Variants in TCTN2 observed in about 807,000 individuals in gnomAD.
TCTN2 encodes the protein tectonic-2.
A neutral mutation model predicts 83.4 loss-of-function variants in TCTN2; 66 were observed. That is an observed-to-expected ratio of 0.79 (90% CI 0.65 to 0.97). TCTN2 has a LOEUF of 0.97. Ranked by LOEUF, TCTN2 falls within the 50% of genes least tolerant of loss-of-function variation. TCTN2 has a pLI of 0.00. For synonymous variants in TCTN2, 301 were observed against 326.7 expected (o/e 0.92, Z 0.85); for missense variants, 794 against 858.1 (o/e 0.93, Z 0.93).
chr12:123,686,766 T>A, intron 5 of TCTN2, 70 bp from the exon 6 acceptor site: 1 of 1,469,266 alleles, frequency 6.8e-7, no homozygotes, highest in Non-Finnish European at 9.5e-7. Context: ...AAATAAGAGT[T>A]AGCATTCGCT....
chr12:123,707,151 C>A, intron 17 of TCTN2, 78 bp downstream of exon 17: 1 of 1,197,726 alleles, frequency 8.3e-7, no homozygotes, highest in Non-Finnish European at 1.2e-6. Flanking sequence ...CTAAATGTTA[C>A]AGAAAGCATA....
chr12:123,698,477 AC>A (rs1359106488), intron 13 of TCTN2, among the ~76,000 whole-genome samples: 1 of 150,558 alleles, frequency 6.6e-6, no homozygotes, highest in East Asian at 2.0e-4. Flanking sequence ...TCACTCCATC[AC>A]CCAGACTGGA....
At chr12:123,700,364 C>T (rs141372649) in intron 14 of TCTN2, among the ~76,000 whole-genome samples, 313 of 152,276 alleles carry the variant, frequency 2.1e-3, no homozygotes, top group Middle Eastern at 6.8e-3. Context: ...AGCAGTGGCT[C>T]ACACTTATAA....
At chr12:123,675,999 G>A (rs1424288612) in intron 4 of TCTN2, among the ~76,000 whole-genome samples, 2 of 152,144 alleles carry the variant, frequency 1.3e-5, no homozygotes, top group African/African-American at 4.8e-5. Flanking sequence ...ATATGCTTGA[G>A]GCCAGGTGGT....
At position 123,684,260 on chromosome 12, in the gene TCTN2, G is replaced by GTTGTT. The variant is rs529620650; in HGVS notation, c.565-2564_565-2560dup. Among the ~76,000 whole-genome samples, 42 of 152,046 alleles carry GTTGTT rather than the reference G, an allele frequency of 2.8e-4. No homozygotes were observed. In the East Asian group the frequency reaches 7.5e-3, roughly 27 times the overall value. Reference sequence around the variant, plus strand: ...AAGGTTTCCTTTGGTTTTTTTGGTTGTTGTTTTGTTTTGTTTCCTTTTGTG... The same window carrying GTTGTT: ...AAGGTTTCCTTTGGTTTTTTTGGTTGTTGTTTTGTTTTGTTTTGTTTCCTTTTGTG... On this transcript the variant is annotated intron_variant, in intron 5 of 17. Transcript: ENST00000303372.
chr12:123,697,381 A>G (rs953067265), intron 13 of TCTN2, among the ~76,000 whole-genome samples, 183 bp downstream of exon 13: 17 of 152,230 alleles, frequency 1.1e-4, no homozygotes, highest in African/African-American at 3.6e-4. Flanking sequence ...TATGAGGGAA[A>G]ATAAACTTTT....
Position 123,671,182 on chromosome 12 carries a change from C to A in TCTN2, c.-59C>A. The A allele has an allele frequency of 1.3e-6, 2 of 1,517,456 alleles. No individual in the cohort carries two copies. Among genetic ancestry groups the A allele is most frequent in the Non-Finnish European group, 1.8e-6 (2 of 1,112,420 alleles). 94.0% of individuals were successfully genotyped at this position (1,517,456 alleles called of 1,614,324 possible). A position where few individuals can be genotyped will look rare whatever the true frequency, so the allele number is the denominator to read the frequency against. ...GGCTGCTGCGTTTTCGTGTCTGAGTCCTTCCTGGGTTCTAATGAGGGCGCG... is the reference window on the plus strand; with the variant it reads ...GGCTGCTGCGTTTTCGTGTCTGAGTACTTCCTGGGTTCTAATGAGGGCGCG... On this transcript the variant is annotated 5_prime_UTR_variant, in exon 1 of 18. Coordinates refer to ENST00000303372, the MANE Select transcript of TCTN2 (RefSeq NM_024809.5).
chr12:123,696,594 C>G (rs1956112579), intron 12 of TCTN2, 99 bp downstream of exon 12: 1 of 1,162,972 alleles, frequency 8.6e-7, no homozygotes, highest in African/African-American at 1.5e-5. Flanking sequence ...ATTTTAAAGC[C>G]TAGTTGGTTT....
At chr12:123,687,993 G>T in intron 6 of TCTN2, 58 bp from the exon 7 acceptor site, 1 of 1,605,386 alleles carries the variant, frequency 6.2e-7, no homozygotes, top group South Asian at 1.1e-5. Flanking sequence ...CAACATTAAG[G>T]AAGAATTGTG....
chr12:123,676,301 G>A (rs947984154), intron 4 of TCTN2, among the ~76,000 whole-genome samples: 3 of 151,940 alleles, frequency 2.0e-5, no homozygotes, highest in African/African-American at 2.4e-5. Context: ...GGGCGCGGTG[G>A]CTCACGCCTG....
intron 4 of TCTN2, among the ~76,000 whole-genome samples, chr12:123,677,596 TG>T (rs1485263301): frequency 2.0e-5 from 3 of 152,182 alleles, no homozygotes; most frequent in Non-Finnish European, 4.4e-5. Flanking sequence ...TTCGGAAACC[TG>T]TAATATCCTG....
intron 8 of TCTN2, among the ~76,000 whole-genome samples, chr12:123,691,741 T>TC (rs1221910872): frequency 5.3e-5 from 8 of 151,396 alleles, no homozygotes; most frequent in Admixed American, 1.3e-4. Flanking sequence ...TTTTTTTGGT[T>TC]TTTTTTTTGA....
intron 8 of TCTN2, 68 bp downstream of exon 8, chr12:123,690,742 G>C: frequency 1.3e-6 from 2 of 1,580,008 alleles, no homozygotes; most frequent in African/African-American, 2.7e-5. Context: ...TCTCATGAGA[G>C]TATAAATCAT....
intron 9 of TCTN2, among the ~76,000 whole-genome samples, chr12:123,694,102 T>C (rs529979969): frequency 6.6e-6 from 1 of 152,130 alleles, no homozygotes; most frequent in South Asian, 2.1e-4. Flanking sequence ...CAAACGATTC[T>C]TCTGCCTCAG....
chr12:123,681,394 G>A (rs1041325814), intron 5 of TCTN2, among the ~76,000 whole-genome samples: 7 of 152,194 alleles, frequency 4.6e-5, no homozygotes, highest in Middle Eastern at 3.4e-3. Context: ...CCCTGTAGCC[G>A]TTCCTATCTC....
At position 123,695,297 on chromosome 12, in the gene TCTN2, G is replaced by A; in HGVS notation, c.1312G>A (p.Gly438Ser). ...TGAAGAAGAATTATCTGGAAATCCA[G>A]GTAAGATGAGTATATGCCAGTCATT... ...GNEEELSGNP[G>S]YQLGKPVRAL... is the part of the protein sequence containing the mutation. Residue 438 changes from glycine to serine, a missense_variant and splice_region_variant, in exon 11 of 18, where the codon GGT becomes AGT. Gly to Ser is a moderately conservative substitution (Grantham distance 56, BLOSUM62 0). Transcript: ENST00000303372. 1 of 1,564,218 alleles carries A rather than the reference G, an allele frequency of 6.4e-7. No individual in the cohort carries two copies. Among genetic ancestry groups the A allele is most frequent in the Non-Finnish European group, 8.8e-7 (1 of 1,134,924 alleles).
intron 13 of TCTN2, among the ~76,000 whole-genome samples, chr12:123,698,510 T>A (rs924139451): frequency 2.6e-5 from 4 of 152,096 alleles, no homozygotes; most frequent in Admixed American, 2.6e-4. Flanking sequence ...TGATCACGGC[T>A]CGTTGCAGCC....
At position 123,679,779 on chromosome 12, in the gene TCTN2, G is replaced by T. The variant is rs369681965; in HGVS notation, c.564+490G>T. On this transcript the variant is annotated intron_variant, in intron 5 of 17. Transcript: ENST00000303372. ...TTTTGAGATGGAGTCTCGCTCTGTC[G>T]CCCAGCCTGGAGTGCAGTGGCGTGA... 2.8e-4 allele frequency among the ~76,000 whole-genome samples: 35 copies of T among 126,054 alleles called. 1 individual carries two copies. In the South Asian group the frequency reaches 8.6e-3, roughly 31 times the overall value. The allele number at this position is 126,054 out of a possible 152,430, so 82.7% of individuals were successfully genotyped here.
intron 7 of TCTN2, among the ~76,000 whole-genome samples, chr12:123,689,955 T>C (rs1956021830): frequency 6.6e-6 from 1 of 152,026 alleles, no homozygotes; most frequent in Non-Finnish European, 1.5e-5. Context: ...TGCATGCCAT[T>C]ATACCCGGTT....
Sources: gnomAD v4.1 joint callset for allele counts (sites outside exome capture counted in the v4.1 genomes callset) on GRCh38, gnomAD v4.1.1 for gene constraint, MANE v1.5 for transcripts, NCBI Gene and HGNC (gene_info 2026-07-23, HGNC 2026-07-21) for gene names.